The following PLPP1 variants were observed in gnomAD, a reference collection of about 807,000 sequenced individuals.
PLPP1 encodes lipid phosphate phosphohydrolase 1a.
In PLPP1, 24 loss-of-function variants were observed where a neutral mutation model predicts 31.2. The ratio of observed to expected loss-of-function variants is 0.77; its 90% CI spans 0.56 to 1.08. PLPP1 has a LOEUF of 1.08. Among genes scored for constraint, PLPP1 ranks in the 50% least tolerant of loss-of-function variants. PLPP1 has a pLI of 0.00. For synonymous variants in PLPP1, 146 were observed against 126.3 expected, an observed-to-expected ratio of 1.16 and a Z score of -1.05; for missense variants, 319 against 342.7, an observed-to-expected ratio of 0.93 and a Z score of 0.55.
chr5:55,497,596 A>G (rs889075101), intron 1 of PLPP1, among the ~76,000 whole-genome samples: 1 of 152,070 alleles, frequency 6.6e-6, no homozygotes, highest in African/African-American at 2.4e-5. Context: ...TACTACAGGA[A>G]AATAACACAG....
chr5:55,430,950 G>T (rs1751334382), intron 4 of PLPP1, among the ~76,000 whole-genome samples: 1 of 152,020 alleles, frequency 6.6e-6, no homozygotes, highest in East Asian at 1.9e-4. Flanking sequence ...ATATAAAATA[G>T]ATCCAACAGT....
chr5:55,481,692 T>C (rs1322264133), intron 1 of PLPP1, among the ~76,000 whole-genome samples: 1 of 152,168 alleles, frequency 6.6e-6, no homozygotes, highest in Non-Finnish European at 1.5e-5. Context: ...TCTTAATGCC[T>C]GAACAAGTAG....
intron 1 of PLPP1, among the ~76,000 whole-genome samples, chr5:55,507,459 T>A (rs1241755165): frequency 6.6e-6 from 1 of 151,974 alleles, no homozygotes; most frequent in Admixed American, 6.6e-5. Context: ...TAAGAAGAAA[T>A]GAACTACCAG....
intron 3 of PLPP1, among the ~76,000 whole-genome samples, chr5:55,465,486 C>T (rs10805477): frequency 0.86 from 129,931 of 151,934 alleles, 56,038 homozygotes; most frequent in South Asian, 0.92. Flanking sequence ...TTGGCTTCCC[C>T]GCACCACACT....
intron 1 of PLPP1, among the ~76,000 whole-genome samples, chr5:55,487,359 T>G (rs1431064930): frequency 6.7e-6 from 1 of 148,494 alleles, no homozygotes; most frequent in Non-Finnish European, 1.5e-5. Context: ...AGGGAGAAGG[T>G]AGAACTACAC....
intron 1 of PLPP1, among the ~76,000 whole-genome samples, chr5:55,528,034 T>C (rs946649820): frequency 1.3e-5 from 2 of 152,194 alleles, no homozygotes; most frequent in Admixed American, 6.5e-5. Flanking sequence ...GAAGGGCAAA[T>C]GGAACACACA....
chr5:55,455,919 C>T (rs1751995482), intron 3 of PLPP1, among the ~76,000 whole-genome samples: 1 of 152,088 alleles, frequency 6.6e-6, no homozygotes, highest in South Asian at 2.1e-4. Flanking sequence ...TCTAATGAAC[C>T]ATTAAAATTT....
intron 1 of PLPP1, among the ~76,000 whole-genome samples, chr5:55,492,677 C>T (rs930451476): frequency 1.1e-4 from 16 of 152,208 alleles, no homozygotes; most frequent in South Asian, 4.1e-4. Context: ...TCAAGGTACA[C>T]GCATTTTGTA....
intron 4 of PLPP1, among the ~76,000 whole-genome samples, chr5:55,441,241 C>T (rs970792540): frequency 1.3e-5 from 2 of 152,146 alleles, no homozygotes; most frequent in African/African-American, 4.8e-5. Context: ...GCCTCACTGC[C>T]AGCTTTGTAT....
intron 1 of PLPP1, chr5:55,530,447 T>C: frequency 3.2e-6 from 4 of 1,252,092 alleles, no homozygotes; most frequent in South Asian, 1.2e-5. Context: ...CAGAAGAACT[T>C]GTATTCTCTT....
intron 1 of PLPP1, among the ~76,000 whole-genome samples, chr5:55,477,722 T>C (rs1579952098): frequency 6.6e-6 from 1 of 152,298 alleles, no homozygotes. Flanking sequence ...ATTTAGTCTA[T>C]ACAAAATAAT....
chr5:55,491,766 G>A (rs566484324), intron 1 of PLPP1, among the ~76,000 whole-genome samples: 2 of 150,708 alleles, frequency 1.3e-5, no homozygotes, highest in African/African-American at 4.9e-5. Context: ...ACTGAAGCAG[G>A]AGAATCGCTT....
At position 55,425,904 on chromosome 5, in the gene PLPP1, A is replaced by G. The variant is rs1751174250; in HGVS notation, c.685T>C (p.Leu229=). The part of the protein sequence containing the change: ...SDYKHHWSDV[L]TGLIQGALVA... ...AGAGCTCCCTGAATGAGTCCAGTCA[A>G]CACATCGCTCCAGTGGTGTTTATAA... Residue 229 remains leucine (L), a synonymous_variant, in exon 5 of 6, where the codon TTG becomes CTG. Transcript: ENST00000307259. 2 of 1,613,346 alleles carry G rather than the reference A, an allele frequency of 1.2e-6. No individual in the cohort carries two copies. Among genetic ancestry groups the G allele is most frequent in the Non-Finnish European group, 8.5e-7 (1 of 1,179,818 alleles).
rs760178664 is a variant in PLPP1, at chr5:55,475,434, T to C, written c.75A>G (p.Ala25=). ...AGGGGGTATGCCTTGAAGTAAGAAT[T>C]GCAAAAGGCAATCCAGCTAGCAAAA... The part of the protein sequence containing the change: ...LCVLLAGLPF[A]ILTSRHTPFQ... The change falls in exon 2 of 6, where the codon GCA becomes GCG. Residue 25 remains alanine, a synonymous_variant. Transcript: ENST00000307259. 4 of 1,600,032 alleles carry C rather than the reference T, an allele frequency of 2.5e-6. No individual in the cohort carries two copies. The highest frequency in any genetic ancestry group is 3.4e-6 in the Non-Finnish European group (4 of 1,176,042).
intron 3 of PLPP1, among the ~76,000 whole-genome samples, chr5:55,450,257 G>A (rs898651153): frequency 1.3e-4 from 20 of 152,080 alleles, no homozygotes; most frequent in South Asian, 2.1e-4. Context: ...ATCACATGCC[G>A]AGTGACTGAC....
At chr5:55,516,292 C>T (rs1753553917) in intron 1 of PLPP1, among the ~76,000 whole-genome samples, 1 of 152,134 alleles carries the variant, frequency 6.6e-6, no homozygotes, top group South Asian at 2.1e-4. Flanking sequence ...AACTGATCTC[C>T]CTAAATCCAT....
chr5:55,530,807 C>G lies in PLPP1; in HGVS notation c.58+3765G>C, dbSNP rs192730554. 1,089 of 1,425,632 alleles carry G rather than the reference C, an allele frequency of 7.6e-4. 10 individuals are homozygous for G. In the Middle Eastern group the frequency reaches 0.018, roughly 24 times the overall value. The allele number at this position is 1,425,632 out of a possible 1,614,324, so 88.3% of individuals were successfully genotyped here. A position where few individuals can be genotyped will look rare whatever the true frequency, so the allele number is the denominator to read the frequency against. ...ACGTGCTGACAGGGCGCGGTCCGCA[C>G]GGGCGTTTTGAGCACCTCCTGACAG... On this transcript the variant is annotated intron_variant, in intron 1 of 5. Coordinates refer to ENST00000307259, the MANE Select transcript of PLPP1 (RefSeq NM_003711.4).
intron 1 of PLPP1, among the ~76,000 whole-genome samples, chr5:55,524,059 TAAAA>T (rs1753729644): frequency 1.3e-5 from 2 of 152,280 alleles, no homozygotes; most frequent in African/African-American, 4.8e-5. Context: ...AATAAATAAA[TAAAA>T]AATGATGCAA....
chr5:55,432,002 ACCT>A (rs891194625), intron 4 of PLPP1, among the ~76,000 whole-genome samples: 1 of 152,080 alleles, frequency 6.6e-6, no homozygotes, highest in Non-Finnish European at 1.5e-5. Flanking sequence ...ACTCACTGTA[ACCT>A]CAGCCTCCTG....
Sources: allele counts gnomAD v4.1 joint callset (sites outside exome capture counted in the v4.1 genomes callset), GRCh38; gene constraint gnomAD v4.1.1; transcripts MANE v1.5; gene names NCBI Gene and HGNC (gene_info 2026-07-23, HGNC 2026-07-21).